ATG7: variants seen among roughly 807,000 people sequenced by gnomAD.
The protein encoded by ATG7 is ubiquitin-like modifier-activating enzyme ATG7.
ATG7 carries 70 observed loss-of-function variants against 82.4 expected under a neutral mutation model. That is an observed-to-expected ratio of 0.85 (90% confidence interval 0.70 to 1.04). ATG7 has a LOEUF of 1.04. Among genes scored for constraint, ATG7 ranks in the 50% least tolerant of loss-of-function variants. The pLI, the probability that ATG7 is intolerant of heterozygous loss-of-function variation, is 0.00. For synonymous variants in ATG7, 287 were observed against 313.0 expected (o/e 0.92, Z 0.88); for missense variants, 792 against 864.3 (o/e 0.92, Z 1.05).
intron 18 of ATG7, among the ~76,000 whole-genome samples, chr3:11,379,306 C>G (rs9822446): frequency 0.84 from 128,295 of 152,150 alleles, 54,269 homozygotes; most frequent in East Asian, 1. Flanking sequence ...ATAGTATATA[C>G]AGGTATAATG....
chr3:11,305,344 A>G (rs760368969), intron 5 of ATG7, among the ~76,000 whole-genome samples: 5 of 152,224 alleles, frequency 3.3e-5, no homozygotes, highest in Non-Finnish European at 7.3e-5. Flanking sequence ...AGTTCTTGGT[A>G]TGCAGTTTTC....
chr3:11,317,584 C>CTTTTTTTTTTTTTTTTTTTTT (rs370026914), intron 9 of ATG7, among the ~76,000 whole-genome samples: 8 of 114,484 alleles, frequency 7.0e-5, no homozygotes, highest in Non-Finnish European at 6.9e-5. Flanking sequence ...TTCTTTCTTT[C>CTTTTTTTTTTTTTTTTTTTTT]TTTTTTTTTT....
intron 19 of ATG7, among the ~76,000 whole-genome samples, chr3:11,385,365 G>A (rs1194671804): frequency 6.6e-6 from 1 of 152,194 alleles, no homozygotes. Flanking sequence ...CTGTCCCAAA[G>A]CAACTTGTCA....
intron 19 of ATG7, among the ~76,000 whole-genome samples, chr3:11,407,707 G>T (rs1018024123): frequency 3.9e-5 from 6 of 152,214 alleles, no homozygotes; most frequent in Non-Finnish European, 5.9e-5. Context: ...CGTGGAAGCT[G>T]TCAAGTCTTG....
chr3:11,297,456 T>C (rs1411565344), intron 3 of ATG7, among the ~76,000 whole-genome samples: 2 of 152,146 alleles, frequency 1.3e-5, no homozygotes, highest in African/African-American at 2.4e-5. Flanking sequence ...GAAGGGACCT[T>C]ATCAATTTGC....
chr3:11,572,374 G>A, the ATG7 span, among the ~76,000 whole-genome samples: 4 of 152,200 alleles, frequency 2.6e-5, 1 homozygote, highest in South Asian at 2.1e-4. Context: ...TCCATTTTCC[G>A]GGAGGGAGGA....
chr3:11,328,457 T>A (rs1030860429), intron 9 of ATG7, among the ~76,000 whole-genome samples: 2 of 152,232 alleles, frequency 1.3e-5, no homozygotes, highest in African/African-American at 4.8e-5. Flanking sequence ...CTGTTTGTAT[T>A]AAATTAAATA....
At chr3:11,416,532 A>G (rs965276485) in intron 19 of ATG7, among the ~76,000 whole-genome samples, 10 of 152,150 alleles carry the variant, frequency 6.6e-5, no homozygotes, top group African/African-American at 1.9e-4. Context: ...CTTTTCATCA[A>G]TACAGATCTC....
chr3:11,467,378 T>C (rs2086935748), intron 20 of ATG7, among the ~76,000 whole-genome samples: 1 of 152,164 alleles, frequency 6.6e-6, no homozygotes, highest in South Asian at 2.1e-4. Flanking sequence ...GTAATTTGTT[T>C]TGTTTCGTTT....
At chr3:11,499,548 C>CCTGAGGT (rs1290582682) in intron 20 of ATG7, among the ~76,000 whole-genome samples, 7 of 152,052 alleles carry the variant, frequency 4.6e-5, no homozygotes, top group Non-Finnish European at 8.8e-5. Flanking sequence ...GAGTTCGAGA[C>CCTGAGGT]CAGCCTGGCT....
At chr3:11,449,050 G>A (rs1448128851) in intron 20 of ATG7, among the ~76,000 whole-genome samples, 3 of 152,192 alleles carry the variant, frequency 2.0e-5, no homozygotes, top group African/African-American at 7.2e-5. Flanking sequence ...TCCCTTCATT[G>A]AACTTACAAA....
At chr3:11,518,284 C>T (rs770272874) in intron 20 of ATG7, among the ~76,000 whole-genome samples, 13 of 152,152 alleles carry the variant, frequency 8.5e-5, no homozygotes, top group Admixed American at 2.6e-4. Context: ...CAGTGGCTCA[C>T]GCCTGTAATC....
At chr3:11,459,187 A>AC (rs1423187406) in intron 20 of ATG7, among the ~76,000 whole-genome samples, 1 of 151,438 alleles carries the variant, frequency 6.6e-6, no homozygotes, top group Non-Finnish European at 1.5e-5. Flanking sequence ...AAAAAAAAAA[A>AC]AACAGCAAAA....
intron 19 of ATG7, among the ~76,000 whole-genome samples, chr3:11,381,563 T>C (rs2077901204): frequency 6.6e-6 from 1 of 152,258 alleles, no homozygotes; most frequent in African/African-American, 2.4e-5. Flanking sequence ...GCGTTCCTTA[T>C]ACTTTAAAAG....
Position 11,342,280 on chromosome 3 carries a change from G to C in ATG7, c.1125+1G>C. ...TTGCAATGTAGCTAGGACGTTGATG[G>C]TAAGTCGGAGGTGGGGGGTGCAAAT... On this transcript the variant is annotated splice_donor_variant, in intron 13 of 20. Transcript: ENST00000693202. LOFTEE classifies it high-confidence loss of function. 1.2e-6 allele frequency: 2 copies of C among 1,611,154 alleles called. No homozygotes were observed. Among genetic ancestry groups the C allele is most frequent in the African/African-American group, 2.7e-5 (2 of 74,932 alleles).
At chr3:11,314,408 A>T (rs1040652119) in intron 8 of ATG7, among the ~76,000 whole-genome samples, 29 of 39,070 alleles carry the variant, frequency 7.4e-4, no homozygotes, top group Non-Finnish European at 9.8e-4. Context: ...TATTGATTAA[A>T]TTTTTTTTGT....
chr3:11,423,966 C>A (rs970607131), intron 19 of ATG7, among the ~76,000 whole-genome samples: 1 of 152,206 alleles, frequency 6.6e-6, no homozygotes, highest in Admixed American at 6.5e-5. Flanking sequence ...TGCCAGTCAA[C>A]CTCTCTTCTC....
the ATG7 span, among the ~76,000 whole-genome samples, chr3:11,563,685 G>A: frequency 5.3e-5 from 8 of 152,236 alleles, no homozygotes; most frequent in Admixed American, 5.2e-4. Context: ...GACTAAAACT[G>A]AGCGTGCTGA....
chr3:11,509,490 T>C (rs1376866567), intron 20 of ATG7, among the ~76,000 whole-genome samples: 2 of 152,178 alleles, frequency 1.3e-5, no homozygotes, highest in Non-Finnish European at 2.9e-5. Flanking sequence ...TCCTTGTATG[T>C]CACAGACATA....
Sources: gnomAD v4.1 joint callset for allele counts (sites outside exome capture counted in the v4.1 genomes callset) on GRCh38, gnomAD v4.1.1 for gene constraint, MANE v1.5 for transcripts, NCBI Gene and HGNC (gene_info 2026-07-23, HGNC 2026-07-21) for gene names.